The following TMEM183A variants were observed in gnomAD, a reference collection of about 807,000 sequenced individuals.
TMEM183A encodes the protein chromosome 1 open reading frame 37.
In TMEM183A, 21 loss-of-function variants were observed where a neutral mutation model predicts 46.7. The observed-to-expected ratio is 0.45, with a 90% CI of 0.32 to 0.65. The LOEUF (loss-of-function observed/expected upper bound fraction) is 0.65. Among genes scored for constraint, TMEM183A ranks in the 30% least tolerant of loss-of-function variants. TMEM183A has a pLI of 0.04. For missense variants in TMEM183A, 331 were observed against 481.9 expected (o/e 0.69, Z 2.93); for synonymous variants, 165 against 180.2 (o/e 0.92, Z 0.68).
intron 7 of TMEM183A, among the ~76,000 whole-genome samples, chr1:203,021,556 A>C (rs1053426614): frequency 2.0e-5 from 3 of 152,218 alleles, no homozygotes; most frequent in African/African-American, 7.2e-5. Flanking sequence ...TTAATGATTG[A>C]GAAACATTAT....
rs374950836 is a variant in TMEM183A at position 203,022,887 on chromosome 1, T to C, written c.978T>C (p.His326=). The part of the protein sequence containing the change: ...FTINVSTDMR[H]HRVRLVFQDS... Reference sequence around the variant, plus strand: ...TCAATGTGAGCACGGACATGCGGCATCATCGAGTGAGACTGGTGTTCCAAG... The same window carrying C: ...TCAATGTGAGCACGGACATGCGGCACCATCGAGTGAGACTGGTGTTCCAAG... The change falls in exon 8 of 8, where the codon CAT becomes CAC. Residue 326 remains histidine, a synonymous_variant. Coordinates refer to ENST00000367242, the MANE Select transcript of TMEM183A (RefSeq NM_138391.6). 4 of 1,613,624 alleles carry C rather than the reference T, an allele frequency of 2.5e-6. No individual in the cohort carries two copies. The African/African-American group carries it at 5.3e-5, about 22-fold the overall frequency.
intron 6 of TMEM183A, among the ~76,000 whole-genome samples, chr1:203,019,518 A>C (rs1042075150): frequency 2.0e-5 from 3 of 152,212 alleles, no homozygotes; most frequent in Non-Finnish European, 4.4e-5. Flanking sequence ...TTGAAGTATA[A>C]ATGTTAAGAG....
chr1:203,012,483 A>G (rs962421609), intron 3 of TMEM183A, among the ~76,000 whole-genome samples: 4 of 152,178 alleles, frequency 2.6e-5, no homozygotes, highest in African/African-American at 4.8e-5. Context: ...CTTACTTGAC[A>G]TGCTTTTCCT....
intron 3 of TMEM183A, among the ~76,000 whole-genome samples, chr1:203,009,208 T>G (rs1294689160): frequency 6.6e-6 from 1 of 152,214 alleles, no homozygotes; most frequent in East Asian, 1.9e-4. Context: ...AGTATGTGGA[T>G]TTTACGTTAA....
intron 3 of TMEM183A, among the ~76,000 whole-genome samples, chr1:203,012,235 T>TCTCACACACACACACACACA (rs370305350): frequency 4.9e-5 from 4 of 80,836 alleles, no homozygotes; most frequent in South Asian, 4.9e-4. Flanking sequence ...CCCCACTCCA[T>TCTCACACACACACACACACA]CACACACACA....
chr1:203,008,516 T>G, intron 2 of TMEM183A, 127 bp from the exon 3 acceptor site: 1 of 707,910 alleles, frequency 1.4e-6, no homozygotes, highest in Non-Finnish European at 2.0e-6. Flanking sequence ...TGACAGATTC[T>G]CACCTTTCTC....
rs1657923295 is a variant in TMEM183A at position 203,023,610 on chromosome 1, G to A, written c.*570G>A. 1 of 152,956 alleles carries A rather than the reference G, an allele frequency of 6.5e-6. No individual in the cohort carries two copies. Among genetic ancestry groups the A allele is most frequent in the African/African-American group, 2.4e-5 (1 of 41,436 alleles). 9.5% of individuals were successfully genotyped at this position (152,956 alleles called of 1,614,324 possible). On this transcript the variant is annotated 3_prime_UTR_variant, in exon 8 of 8. Coordinates refer to ENST00000367242, the MANE Select transcript of TMEM183A (RefSeq NM_138391.6). ...TTATTGCATACATTTTCTTTTGGCA[G>A]TTTTGGATTTTAGGTATTTTTTTGC...
At chr1:203,020,652 C>T (rs1657571835) in intron 6 of TMEM183A, 141 bp from the exon 7 acceptor site, 1 of 1,061,170 alleles carries the variant, frequency 9.4e-7, no homozygotes, top group Non-Finnish European at 1.3e-6. Context: ...TCTTTGATCT[C>T]TGTATAGAAA....
intron 3 of TMEM183A, among the ~76,000 whole-genome samples, chr1:203,014,482 A>G (rs1233859392): frequency 6.6e-6 from 1 of 152,162 alleles, no homozygotes; most frequent in Non-Finnish European, 1.5e-5. Flanking sequence ...GTGTGCCTGT[A>G]GTCCTAGCTA....
chr1:203,022,840 G>A lies in TMEM183A; in HGVS notation c.946-15G>A. ...GTTGTGTAAGTTGGATACTGAATTTGCTTTTCCATTTCAGTTTACTATCAA... is the reference window on the plus strand; with the variant it reads ...GTTGTGTAAGTTGGATACTGAATTTACTTTTCCATTTCAGTTTACTATCAA... On this transcript the variant is annotated splice_polypyrimidine_tract_variant and intron_variant, in intron 7 of 7. Transcript: ENST00000367242. The A allele has an allele frequency of 1.9e-6, 3 of 1,613,888 alleles. No homozygotes were observed. The highest frequency in any genetic ancestry group is 2.5e-6 in the Non-Finnish European group (3 of 1,179,818).
Position 203,007,456 on chromosome 1 carries a change from G to A in TMEM183A, c.-10G>A, listed in dbSNP as rs551405502. On this transcript the variant is annotated 5_prime_UTR_variant, in exon 1 of 8. Coordinates refer to ENST00000367242, the MANE Select transcript of TMEM183A (RefSeq NM_138391.6). ...TTGCGGCTCCCGGGGCCGGCTCTCCGGCCGGAGACATGGCCCGGGGGCCCG... is the reference window on the plus strand; with the variant it reads ...TTGCGGCTCCCGGGGCCGGCTCTCCAGCCGGAGACATGGCCCGGGGGCCCG... The A allele has an allele frequency of 3.8e-5, 54 of 1,421,048 alleles. 1 individual carries two copies. In the South Asian group the frequency reaches 7.2e-4, roughly 19 times the overall value. 88.0% of individuals were successfully genotyped at this position (1,421,048 alleles called of 1,614,324 possible). A position where few individuals can be genotyped will look rare whatever the true frequency, so the allele number is the denominator to read the frequency against.
intron 7 of TMEM183A, among the ~76,000 whole-genome samples, chr1:203,021,305 A>T (rs1238626531): frequency 2.0e-5 from 3 of 152,124 alleles, no homozygotes; most frequent in Non-Finnish European, 4.4e-5. Context: ...TGCTGAGATT[A>T]TAAGTGTGAG....
intron 5 of TMEM183A, among the ~76,000 whole-genome samples, chr1:203,017,019 T>C (rs573150940): frequency 1.3e-5 from 2 of 152,328 alleles, no homozygotes; most frequent in South Asian, 4.1e-4. Flanking sequence ...TCTAGGGTGA[T>C]CATATCCTAC....
chr1:203,022,278 G>T (rs1253865402), intron 7 of TMEM183A, among the ~76,000 whole-genome samples: 1 of 151,972 alleles, frequency 6.6e-6, no homozygotes, highest in African/African-American at 2.4e-5. Context: ...TGCTCAGGCT[G>T]GTCTCAAACT....
At position 203,018,139 on chromosome 1, in the gene TMEM183A, T is replaced by C. The variant is rs117424439; in HGVS notation, c.709-342T>C. On this transcript the variant is annotated intron_variant, in intron 5 of 7. Transcript: ENST00000367242. ...TGCTGGCTCTCCTTACATTTTAATG[T>C]AGAGGATTAGCCTGCTGAATCAGAG... is the stretch of plus-strand genomic sequence containing the variant. Among the ~76,000 whole-genome samples the C allele has an allele frequency of 2.0e-5, 3 of 152,334 alleles. No individual in the cohort carries two copies. The East Asian group carries it at 5.8e-4, about 29-fold the overall frequency.
At chr1:203,017,752 T>A (rs1170675238) in intron 5 of TMEM183A, 1 of 985,772 alleles carries the variant, frequency 1.0e-6, no homozygotes, top group African/African-American at 1.7e-5. Context: ...CTCTCTCTTT[T>A]CAGTAGCATA....
At chr1:203,022,162 G>C (rs1462192851) in intron 7 of TMEM183A, among the ~76,000 whole-genome samples, 1 of 151,952 alleles carries the variant, frequency 6.6e-6, no homozygotes, top group Non-Finnish European at 1.5e-5. Flanking sequence ...TCTGTCTCCT[G>C]GTTTCAAGTG....
chr1:203,008,911 C>T, intron 3 of TMEM183A, 101 bp downstream of exon 3: 16 of 1,233,916 alleles, frequency 1.3e-5, no homozygotes, highest in Non-Finnish European at 1.7e-5. Flanking sequence ...AGACGTGATA[C>T]CAGGAGAGTT....
chr1:203,018,035 G>A (rs960493611), intron 5 of TMEM183A: 7 of 840,384 alleles, frequency 8.3e-6, no homozygotes, highest in Non-Finnish European at 1.0e-5. Context: ...GCTCCCAGAA[G>A]GTCCTGAGCA....
Sources: allele counts gnomAD v4.1 joint callset (sites outside exome capture counted in the v4.1 genomes callset), GRCh38; gene constraint gnomAD v4.1.1; transcripts MANE v1.5; gene names NCBI Gene and HGNC (gene_info 2026-07-23, HGNC 2026-07-21).